CDH4: variants seen among roughly 807,000 people sequenced by gnomAD.
The protein encoded by CDH4 is cadherin-4.
A neutral mutation model predicts 86.0 loss-of-function variants in CDH4; 33 were observed. The ratio of observed to expected loss-of-function variants is 0.38; its 90% CI spans 0.29 to 0.51. The LOEUF is 0.51. Ranked by LOEUF, CDH4 falls within the 20% of genes least tolerant of loss-of-function variation. CDH4 has a pLI of 0.86. For synonymous variants in CDH4, 555 were observed against 549.4 expected, an observed-to-expected ratio of 1.01 and a Z score of -0.14; for missense variants, 1,114 against 1,307.4, an observed-to-expected ratio of 0.85 and a Z score of 2.28.
chr20:61,932,724 T>G (rs2055128185), intron 13 of CDH4, among the ~76,000 whole-genome samples: 1 of 152,166 alleles, frequency 6.6e-6, no homozygotes. Flanking sequence ...TATGCATGCT[T>G]ACACAGACAT....
At chr20:61,540,947 C>G (rs376103450) in intron 2 of CDH4, among the ~76,000 whole-genome samples, 1 of 152,050 alleles carries the variant, frequency 6.6e-6, no homozygotes, top group African/African-American at 2.4e-5. Flanking sequence ...CTGTTCAAGC[C>G]CGTGCCATCC....
intron 2 of CDH4, among the ~76,000 whole-genome samples, chr20:61,539,569 C>G (rs2086023856): frequency 6.6e-6 from 1 of 152,196 alleles, no homozygotes; most frequent in African/African-American, 2.4e-5. Context: ...GCCTTAACCC[C>G]GTTTTAAAGG....
intron 2 of CDH4, among the ~76,000 whole-genome samples, chr20:61,727,131 C>T (rs1363291433): frequency 6.6e-6 from 1 of 151,982 alleles, no homozygotes; most frequent in Non-Finnish European, 1.5e-5. Flanking sequence ...TCATCATCAC[C>T]ATCAGAGCCA....
chr20:61,779,667 A>C (rs1436924603), intron 4 of CDH4, among the ~76,000 whole-genome samples: 21 of 152,240 alleles, frequency 1.4e-4, no homozygotes, highest in Admixed American at 1.4e-3. Flanking sequence ...ACACCGTTCT[A>C]TGTGAACAGA....
At chr20:61,410,476 C>A (rs1376559925) in intron 2 of CDH4, among the ~76,000 whole-genome samples, 2 of 118,244 alleles carry the variant, frequency 1.7e-5, no homozygotes, top group Non-Finnish European at 1.9e-5. Context: ...CATCCTCTCA[C>A]TTGTTAGTCC....
At chr20:61,331,547 C>T (rs1228830767) in intron 2 of CDH4, among the ~76,000 whole-genome samples, 1 of 83,734 alleles carries the variant, frequency 1.2e-5, no homozygotes, top group African/African-American at 4.8e-5. Flanking sequence ...ACATACAGGT[C>T]TCAGCTCAAA....
intron 2 of CDH4, among the ~76,000 whole-genome samples, chr20:61,348,306 C>A (rs1164804733): frequency 6.6e-6 from 1 of 152,164 alleles, no homozygotes; most frequent in Non-Finnish European, 1.5e-5. Context: ...ATCATCAGAT[C>A]CCATGAGACT....
chr20:61,921,858 G>A (rs529654000), intron 9 of CDH4, among the ~76,000 whole-genome samples: 2 of 152,030 alleles, frequency 1.3e-5, no homozygotes, highest in African/African-American at 4.8e-5. Context: ...CTCTGATAAC[G>A]ATGATCATTT....
intron 2 of CDH4, among the ~76,000 whole-genome samples, chr20:61,603,312 T>C (rs1246279802): frequency 6.6e-6 from 1 of 150,912 alleles, no homozygotes; most frequent in African/African-American, 2.4e-5. Flanking sequence ...AGCCAGGTGA[T>C]GGGGTGGAGT....
intron 2 of CDH4, among the ~76,000 whole-genome samples, chr20:61,637,242 C>T (rs114482238): frequency 0.016 from 2,487 of 152,298 alleles, 64 homozygotes; most frequent in African/African-American, 0.056. Context: ...TGAGGGGATG[C>T]GCGTGTGTGT....
chr20:61,481,402 A>G (rs2085567494), intron 2 of CDH4, among the ~76,000 whole-genome samples: 1 of 152,232 alleles, frequency 6.6e-6, no homozygotes, highest in Non-Finnish European at 1.5e-5. Flanking sequence ...AAGGCCATGA[A>G]GGGCCATTGC....
chr20:61,745,842 C>T (rs901352892), intron 3 of CDH4, among the ~76,000 whole-genome samples: 9 of 152,284 alleles, frequency 5.9e-5, no homozygotes, highest in African/African-American at 1.4e-4. Context: ...CCAAGGCCTC[C>T]GATAAAGGCT....
At chr20:61,355,258 A>G (rs908300066) in intron 2 of CDH4, among the ~76,000 whole-genome samples, 8 of 152,188 alleles carry the variant, frequency 5.3e-5, no homozygotes, top group Non-Finnish European at 1.0e-4. Flanking sequence ...AGAAAGCAAA[A>G]CATTCAGAAA....
At chr20:61,689,180 T>C (rs35483600) in intron 2 of CDH4, among the ~76,000 whole-genome samples, 4,708 of 152,122 alleles carry the variant, frequency 0.031, 117 homozygotes, top group Non-Finnish European at 0.044. Context: ...TGAGGTGATG[T>C]GGAATCAGGC....
At chr20:61,756,558 C>T (rs974180480) in intron 3 of CDH4, among the ~76,000 whole-genome samples, 1 of 150,334 alleles carries the variant, frequency 6.7e-6, no homozygotes, top group East Asian at 2.0e-4. Context: ...GACCCTCCCT[C>T]ATCCCCGGGT....
chr20:61,752,004 A>G (rs1167389307), intron 3 of CDH4, among the ~76,000 whole-genome samples: 2 of 152,244 alleles, frequency 1.3e-5, no homozygotes, highest in Non-Finnish European at 2.9e-5. Flanking sequence ...GAAGCGTGAA[A>G]CACGGGAAAG....
intron 9 of CDH4, among the ~76,000 whole-genome samples, chr20:61,913,460 G>T (rs2054872562): frequency 6.6e-6 from 1 of 152,256 alleles, no homozygotes; most frequent in Non-Finnish European, 1.5e-5. Context: ...GACTGCATGG[G>T]CCTCGTGGCA....
At chr20:61,489,988 T>G (rs1343600100) in intron 2 of CDH4, among the ~76,000 whole-genome samples, 1 of 152,158 alleles carries the variant, frequency 6.6e-6, no homozygotes, top group African/African-American at 2.4e-5. Flanking sequence ...TTTCAGATCA[T>G]TGTGATGATG....
intron 7 of CDH4, among the ~76,000 whole-genome samples, chr20:61,883,475 A>G (rs925210844): frequency 9.2e-5 from 14 of 152,054 alleles, no homozygotes; most frequent in Admixed American, 3.3e-4. Context: ...AGCACCCCTC[A>G]GTGCCCAGGA....
Sources: gnomAD v4.1 joint callset for allele counts (sites outside exome capture counted in the v4.1 genomes callset) on GRCh38, gnomAD v4.1.1 for gene constraint, MANE v1.5 for transcripts, NCBI Gene and HGNC (gene_info 2026-07-23, HGNC 2026-07-21) for gene names.